ZFR: variants seen among roughly 807,000 people sequenced by gnomAD.
ZFR encodes zinc finger RNA-binding protein.
In ZFR, 19 loss-of-function variants were observed where a neutral mutation model predicts 130.7. The observed-to-expected ratio is 0.15, with a 90% CI of 0.10 to 0.21. The LOEUF (loss-of-function observed/expected upper bound fraction) is 0.21. ZFR is among the 10% of genes least tolerant of loss of function. The probability of loss-of-function intolerance (pLI) is 1.00; values close to 1 mark genes in which losing one functional copy is unlikely to be tolerated. For synonymous variants in ZFR, 466 were observed against 456.9 expected (o/e 1.02, Z -0.25); for missense variants, 872 against 1,321.5 (o/e 0.66, Z 5.27).
intron 19 of ZFR, among the ~76,000 whole-genome samples, chr5:32,358,151 G>GT (rs1316975803): frequency 2.0e-5 from 3 of 152,224 alleles, no homozygotes; most frequent in African/African-American, 7.2e-5. Context: ...TAAGTCAGGA[G>GT]TTTGAGACCA....
Position 32,364,248 on chromosome 5 carries a change from T to A in ZFR, c.2863A>T (p.Ile955Phe). 6.2e-7 allele frequency: 1 copy of A among 1,609,868 alleles called. No homozygotes were observed. Among genetic ancestry groups the A allele is most frequent in the Non-Finnish European group, 8.5e-7 (1 of 1,176,814 alleles). Residue 955 changes from isoleucine (I) to phenylalanine (F), a missense_variant, in exon 18 of 20, where the codon ATC becomes TTC. Transcript: ENST00000265069. ...CTCTGAGGGCTAGAAGCACTGCTGA[T>A]TGCTTTCTCTACTAGTAACTCCATA... Reference protein sequence around the residue: ...WAMELLVEKAISSASSPQSPG... With the variant: ...WAMELLVEKAFSSASSPQSPG...
intron 5 of ZFR, among the ~76,000 whole-genome samples, chr5:32,411,737 A>T: frequency 6.7e-6 from 1 of 149,088 alleles, no homozygotes; most frequent in Non-Finnish European, 1.5e-5. Context: ...AAAATATAAT[A>T]CAAAACTCAG....
At chr5:32,360,431 A>C (rs1351643702) in intron 19 of ZFR, among the ~76,000 whole-genome samples, 2 of 152,190 alleles carry the variant, frequency 1.3e-5, no homozygotes, top group Non-Finnish European at 2.9e-5. Context: ...GCCTATTATG[A>C]ATATTTCATA....
intron 11 of ZFR, 148 bp from the exon 12 acceptor site, chr5:32,390,585 T>C: frequency 1.3e-6 from 1 of 785,248 alleles, no homozygotes; most frequent in Non-Finnish European, 1.9e-6. Flanking sequence ...TTTCCATGTT[T>C]GCTTTCATTG....
At chr5:32,400,331 G>T in intron 8 of ZFR, 128 bp from the exon 9 acceptor site, 2 of 627,572 alleles carry the variant, frequency 3.2e-6, no homozygotes, top group Non-Finnish European at 4.8e-6. Flanking sequence ...TACAACAGAT[G>T]AGAATTTTGA....
chr5:32,444,279 A>G lies in ZFR; in HGVS notation c.87T>C (p.Phe29=), dbSNP rs757638854. The G allele has an allele frequency of 6.4e-7, 1 of 1,555,108 alleles. No homozygotes were observed. The change falls in exon 2 of 20, where the codon TTT becomes TTC. Residue 29 remains phenylalanine (F), a synonymous_variant. Transcript: ENST00000265069. ...CCGCCGCCCCGCTGTGGGTGAATCC[A>G]AAGTAGTTGCCGGTCGCCATTTTGG... ...EDAKMATGNY[F]GFTHSGAAAA...
intron 6 of ZFR, among the ~76,000 whole-genome samples, chr5:32,405,836 G>C (rs1271711257): frequency 6.6e-6 from 1 of 152,066 alleles, no homozygotes; most frequent in East Asian, 1.9e-4. Flanking sequence ...TATATATCTA[G>C]CCACATATAT....
At chr5:32,381,203 C>T (rs1752928919) in intron 15 of ZFR, among the ~76,000 whole-genome samples, 1 of 152,058 alleles carries the variant, frequency 6.6e-6, no homozygotes, top group African/African-American at 2.4e-5. Context: ...AAATGAGCTA[C>T]ACAAAACTTG....
Position 32,416,614 on chromosome 5 carries a change from C to CAACAAAA in ZFR, c.565+1033_565+1034insTTTTGTT, listed in dbSNP as rs1554073743. Among the ~76,000 whole-genome samples, 584 of 132,768 alleles carry CAACAAAA rather than the reference C, an allele frequency of 4.4e-3. 13 individuals carry two copies. The East Asian group carries it at 0.053, about 12-fold the overall frequency. 87.1% of individuals were successfully genotyped at this position (132,768 alleles called of 152,430 possible). On this transcript the variant is annotated intron_variant, in intron 4 of 19. Coordinates refer to ENST00000265069, the MANE Select transcript of ZFR (RefSeq NM_016107.5). ...GGGCGACAAGAGTGAAACTCCGTCT[C>CAACAAAA]AAAAAAAAAAAAAAGAGAAGAGACC...
In ZFR at chr5:32,441,998, T is replaced by A. The variant is rs1035465550; in HGVS notation, c.137+2231A>T. On this transcript the variant is annotated intron_variant, in intron 2 of 19. Coordinates refer to ENST00000265069, the MANE Select transcript of ZFR (RefSeq NM_016107.5). ...ACAGAAATTCTGTCACAGTTCCCTA[T>A]ACTGGGATAAAACAATCACATAAAT... Among the ~76,000 whole-genome samples the A allele has an allele frequency of 3.3e-5, 5 of 152,296 alleles. No individual in the cohort carries two copies. The South Asian group carries it at 1.0e-3, about 32-fold the overall frequency.
chr5:32,364,229 G>A lies in ZFR; in HGVS notation c.2882C>T (p.Pro961Leu). 2 of 1,612,152 alleles carry A rather than the reference G, an allele frequency of 1.2e-6. No individual in the cohort carries two copies. The highest frequency in any genetic ancestry group is 8.5e-7 in the Non-Finnish European group (1 of 1,178,602). ...TCTCAGTGCATCCCCAGGGCTCTGA[G>A]GGCTAGAAGCACTGCTGATTGCTTT... Reference protein sequence around the residue: ...VEKAISSASSPQSPGDALRRV... With the variant: ...VEKAISSASSLQSPGDALRRV... Residue 961 changes from proline to leucine, a missense_variant, in exon 18 of 20, where the codon CCT (proline) becomes CTT (leucine). Coordinates refer to ENST00000265069, the MANE Select transcript of ZFR (RefSeq NM_016107.5).
chr5:32,409,640 A>G (rs1338914014), intron 5 of ZFR, among the ~76,000 whole-genome samples: 1 of 152,158 alleles, frequency 6.6e-6, no homozygotes, highest in African/African-American at 2.4e-5. Flanking sequence ...TCCTGACTTC[A>G]GGTTACCCAC....
chr5:32,392,448 C>T (rs920728318), intron 11 of ZFR, among the ~76,000 whole-genome samples: 3 of 152,038 alleles, frequency 2.0e-5, no homozygotes, highest in Non-Finnish European at 2.9e-5. Context: ...TTAAAGGTAA[C>T]CCATAAAAAG....
At chr5:32,378,696 T>C (rs1581686199) in intron 17 of ZFR, among the ~76,000 whole-genome samples, 1 of 151,768 alleles carries the variant, frequency 6.6e-6, no homozygotes, top group Non-Finnish European at 1.5e-5. Flanking sequence ...GAATCTCCTA[T>C]TTTTTTTGTA....
intron 3 of ZFR, among the ~76,000 whole-genome samples, chr5:32,418,370 A>T (rs960186805): frequency 6.6e-6 from 1 of 152,254 alleles, no homozygotes; most frequent in Non-Finnish European, 1.5e-5. Flanking sequence ...GTAAAAATTA[A>T]TTTTATTAAA....
intron 10 of ZFR, among the ~76,000 whole-genome samples, chr5:32,395,835 GTA>G (rs1171995870): frequency 6.6e-6 from 1 of 152,050 alleles, no homozygotes; most frequent in Non-Finnish European, 1.5e-5. Context: ...TAAGAATACA[GTA>G]TATATGAGAT....
At chr5:32,421,820 C>T (rs1561914679) in intron 2 of ZFR, among the ~76,000 whole-genome samples, 1 of 152,120 alleles carries the variant, frequency 6.6e-6, no homozygotes, top group Non-Finnish European at 1.5e-5. Flanking sequence ...ACATTTTCTA[C>T]ATATATGCCA....
chr5:32,358,329 C>G (rs1393260408), intron 19 of ZFR, among the ~76,000 whole-genome samples: 1 of 152,044 alleles, frequency 6.6e-6, no homozygotes, highest in Non-Finnish European at 1.5e-5. Flanking sequence ...TGCAATCCAG[C>G]CTGGGTGACA....
At chr5:32,439,673 G>A (rs1014281388) in intron 2 of ZFR, among the ~76,000 whole-genome samples, 1 of 152,040 alleles carries the variant, frequency 6.6e-6, no homozygotes, top group Non-Finnish European at 1.5e-5. Flanking sequence ...GGGCGTAGTG[G>A]CTCACACCTG....
Sources: allele counts gnomAD v4.1 joint callset (sites outside exome capture counted in the v4.1 genomes callset), GRCh38; gene constraint gnomAD v4.1.1; transcripts MANE v1.5; gene names NCBI Gene and HGNC (gene_info 2026-07-23, HGNC 2026-07-21).